The following C10orf67 variants were observed in gnomAD, a reference collection of about 807,000 sequenced individuals.
C10orf67 encodes chromosome 10 open reading frame 67.
C10orf67 carries 60 observed loss-of-function variants against 35.6 expected under a neutral mutation model. The observed-to-expected ratio is 1.68, with a 90% CI of 1.37 to 2.09. C10orf67 has a LOEUF of 2.09. Ranked by LOEUF, C10orf67 falls within the 30% of genes most tolerant of loss-of-function variation. The pLI is 0.00. For missense variants in C10orf67, 474 were observed against 330.2 expected (o/e 1.44, Z -3.38); for synonymous variants, 167 against 115.8 (o/e 1.44, Z -2.84).
chr10:23,207,873 T>A (rs1210679610), intron 15 of C10orf67, among the ~76,000 whole-genome samples: 5 of 152,234 alleles, frequency 3.3e-5, no homozygotes, highest in Non-Finnish European at 7.3e-5. Flanking sequence ...CTTTGGTATG[T>A]GTACAACAAA....
chr10:23,257,244 G>A (rs575789819), intron 10 of C10orf67, among the ~76,000 whole-genome samples: 1 of 152,272 alleles, frequency 6.6e-6, no homozygotes, highest in East Asian at 1.9e-4. Flanking sequence ...CAAGAATGCT[G>A]AGAAAGTCCA....
intron 15 of C10orf67, among the ~76,000 whole-genome samples, chr10:23,218,200 C>T (rs1158288506): frequency 2.0e-5 from 3 of 152,244 alleles, no homozygotes; most frequent in Middle Eastern, 3.4e-3. Flanking sequence ...AGTGCAGTGG[C>T]GCCATCATGG....
At chr10:23,279,893 C>T (rs1393491042) in intron 8 of C10orf67, among the ~76,000 whole-genome samples, 3 of 151,908 alleles carry the variant, frequency 2.0e-5, no homozygotes, top group Non-Finnish European at 4.4e-5. Context: ...CTCTGTCGCC[C>T]GGGCTGAAAA....
intron 2 of C10orf67, among the ~76,000 whole-genome samples, chr10:23,326,920 A>C (rs1317189403): frequency 6.6e-6 from 1 of 152,172 alleles, no homozygotes; most frequent in South Asian, 2.1e-4. Flanking sequence ...CATTAATTGC[A>C]TAAAACAATA....
intron 10 of C10orf67, among the ~76,000 whole-genome samples, chr10:23,263,080 T>G (rs981912507): frequency 3.3e-5 from 5 of 152,212 alleles, no homozygotes; most frequent in African/African-American, 1.2e-4. Context: ...TTGTCCTATC[T>G]CTGTATTACT....
intron 3 of C10orf67, among the ~76,000 whole-genome samples, chr10:23,321,950 G>T (rs1382942017): frequency 2.0e-5 from 3 of 152,052 alleles, no homozygotes; most frequent in Non-Finnish European, 4.4e-5. Context: ...ACCACATCTG[G>T]CTCATGCTTT....
chr10:23,238,037 A>G (rs2132134536), intron 13 of C10orf67, among the ~76,000 whole-genome samples: 1 of 152,306 alleles, frequency 6.6e-6, no homozygotes, highest in East Asian at 1.9e-4. Context: ...CACACTGTAG[A>G]TCAGGCACTA....
intron 7 of C10orf67, among the ~76,000 whole-genome samples, chr10:23,289,237 C>A (rs1843640582): frequency 6.6e-6 from 1 of 152,150 alleles, no homozygotes; most frequent in Non-Finnish European, 1.5e-5. Flanking sequence ...AATTCTAGTT[C>A]ACTGCAGCCC....
intron 4 of C10orf67, among the ~76,000 whole-genome samples, chr10:23,307,552 T>C (rs933006968): frequency 1.3e-5 from 2 of 151,712 alleles, no homozygotes; most frequent in African/African-American, 2.4e-5. Context: ...CATATGACAA[T>C]ATCCAATATC....
rs545562779 is a variant in C10orf67, at chr10:23,307,319, C to A, written c.547-3860G>T. Among the ~76,000 whole-genome samples, 180 of 152,198 alleles carry A rather than the reference C, an allele frequency of 1.2e-3. 1 individual carries two copies. The highest frequency in any genetic ancestry group is 4.1e-3 in the African/African-American group (172 of 41,546). On this transcript the variant is annotated intron_variant, in intron 4 of 15. Coordinates refer to ENST00000636213, the MANE Select transcript of C10orf67 (RefSeq NM_001371909.1). ...TGTTACTAATATATTTGGGTACATACAACATACAGGAAATATAGCAAAACC... is the reference window on the plus strand; with the variant it reads ...TGTTACTAATATATTTGGGTACATAAAACATACAGGAAATATAGCAAAACC...
intron 15 of C10orf67, among the ~76,000 whole-genome samples, chr10:23,210,247 G>A (rs746848476): frequency 4.9e-4 from 74 of 152,120 alleles, no homozygotes; most frequent in Non-Finnish European, 7.3e-5. Context: ...AGGAGGGGCA[G>A]AGGGCAGCTG....
At chr10:23,210,573 C>T (rs1270171661) in intron 15 of C10orf67, among the ~76,000 whole-genome samples, 2 of 152,118 alleles carry the variant, frequency 1.3e-5, no homozygotes, top group Admixed American at 1.3e-4. Context: ...ATGCCTGCCA[C>T]CATGGCCAGC....
intron 15 of C10orf67, among the ~76,000 whole-genome samples, chr10:23,220,586 A>C (rs1841549992): frequency 6.6e-6 from 1 of 152,134 alleles, no homozygotes; most frequent in Non-Finnish European, 1.5e-5. Context: ...AGGTGAAAAT[A>C]ATTGAGTGGG....
At chr10:23,270,777 T>G (rs912351757) in intron 8 of C10orf67, among the ~76,000 whole-genome samples, 9 of 152,320 alleles carry the variant, frequency 5.9e-5, no homozygotes, top group Admixed American at 5.9e-4. Flanking sequence ...GTGGTTCACA[T>G]GAGGAGGAGT....
intron 12 of C10orf67, among the ~76,000 whole-genome samples, chr10:23,244,539 A>T (rs1050643545): frequency 5.3e-5 from 8 of 152,186 alleles, no homozygotes; most frequent in Admixed American, 2.0e-4. Flanking sequence ...ACAAAAATCA[A>T]TTGTGTTTGT....
chr10:23,275,312 G>T (rs973399938), intron 8 of C10orf67, among the ~76,000 whole-genome samples: 4 of 152,062 alleles, frequency 2.6e-5, no homozygotes, highest in Admixed American at 2.0e-4. Flanking sequence ...TATCAAGATC[G>T]CATCTCTTAA....
chr10:23,304,561 G>A (rs1468641516), intron 4 of C10orf67, among the ~76,000 whole-genome samples: 1 of 152,148 alleles, frequency 6.6e-6, no homozygotes, highest in Non-Finnish European at 1.5e-5. Context: ...TCCAGGAGCA[G>A]TCCTGCTTGC....
chr10:23,247,805 A>C (rs11013350), intron 12 of C10orf67, among the ~76,000 whole-genome samples: 3 of 152,050 alleles, frequency 2.0e-5, no homozygotes, highest in African/African-American at 4.8e-5. Flanking sequence ...ATATTTGCCA[A>C]TTGGGAAGAG....
chr10:23,316,423 C>T (rs1844713501), intron 4 of C10orf67, among the ~76,000 whole-genome samples: 1 of 152,224 alleles, frequency 6.6e-6, no homozygotes, highest in South Asian at 2.1e-4. Context: ...CTGGGCGCCC[C>T]CAAGGGCTGC....
Sources: allele counts gnomAD v4.1 joint callset (sites outside exome capture counted in the v4.1 genomes callset), GRCh38; gene constraint gnomAD v4.1.1; transcripts MANE v1.5; gene names NCBI Gene and HGNC (gene_info 2026-07-23, HGNC 2026-07-21).